Variants in FBXO7 observed in about 807,000 individuals in gnomAD.
The protein encoded by FBXO7 is F-box protein 7.
In FBXO7, 31 loss-of-function variants were observed where a neutral mutation model predicts 50.2. The observed-to-expected ratio is 0.62, with a 90% confidence interval of 0.46 to 0.83. The LOEUF is 0.83. FBXO7 is among the 40% of genes least tolerant of loss of function. The pLI, the probability that FBXO7 is intolerant of heterozygous loss-of-function variation, is 0.00. For missense variants in FBXO7, 667 were observed against 646.6 expected (o/e 1.03, Z -0.34); for synonymous variants, 256 against 253.1 (o/e 1.01, Z -0.11).
intron 8 of FBXO7, among the ~76,000 whole-genome samples, chr22:32,497,508 A>C (rs1034847027): frequency 2.0e-5 from 3 of 152,330 alleles, no homozygotes; most frequent in East Asian, 3.9e-4. Context: ...CATGGTGTAT[A>C]TATGCCACAT....
In FBXO7 at chr22:32,479,250, C is replaced by A; in HGVS notation, c.392C>A (p.Ser131Tyr). 6.2e-7 allele frequency: 1 copy of A among 1,614,092 alleles called. No homozygotes were observed. Among genetic ancestry groups the A allele is most frequent in the Non-Finnish European group, 8.5e-7 (1 of 1,180,028 alleles). The change falls in exon 2 of 9, where the codon TCT (serine) becomes TAT (tyrosine). Residue 131 changes from serine to tyrosine, a missense_variant. Ser to Tyr is a moderately radical substitution (Grantham distance 144). Transcript: ENST00000266087. ...TCATTCCAAGGACAGGCAGCCCAGT[C>A]TGGTGTTTGGAATGACGACAGTATG... ...SDSFQGQAAQSGVWNDDSMLG... is the reference protein window; with the variant it reads ...SDSFQGQAAQYGVWNDDSMLG...
chr22:32,478,485 G>A (rs78789877), intron 1 of FBXO7, among the ~76,000 whole-genome samples: 1,991 of 152,272 alleles, frequency 0.013, 50 homozygotes, highest in African/African-American at 0.044. Flanking sequence ...ACTGTATCCC[G>A]TCCCCCAGGT....
At chr22:32,477,003 A>G (rs549140396) in intron 1 of FBXO7, among the ~76,000 whole-genome samples, 14 of 152,306 alleles carry the variant, frequency 9.2e-5, no homozygotes, top group South Asian at 2.1e-4. Context: ...TTAAAAAGCA[A>G]CCTTTTGCTG....
At chr22:32,488,846 C>CT (rs773362612) in intron 5 of FBXO7, 1 of 152,106 alleles carries the variant, frequency 6.6e-6, no homozygotes, top group Non-Finnish European at 1.5e-5. Context: ...GAGTCTTGCT[C>CT]TTTCGCCAGG....
At chr22:32,486,523 A>T (rs781753121) in intron 4 of FBXO7, among the ~76,000 whole-genome samples, 1 of 151,908 alleles carries the variant, frequency 6.6e-6, no homozygotes, top group African/African-American at 2.4e-5. Flanking sequence ...TTTTGTAGAG[A>T]TGAAGTGTCA....
Position 32,498,706 on chromosome 22 carries a change from T to C in FBXO7, c.*176T>C. ...CCCTAGGGGTGGTATGACCCAAAGG[T>C]TCCTCTGTGACAAGGTTGGCCTTGG... On this transcript the variant is annotated 3_prime_UTR_variant, in exon 9 of 9. Transcript: ENST00000266087. 1.4e-6 allele frequency: 1 copy of C among 722,878 alleles called. No homozygotes were observed. Among genetic ancestry groups the C allele is most frequent in the South Asian group, 1.8e-5 (1 of 54,234 alleles). The allele number at this position is 722,878 out of a possible 1,614,324, so 44.8% of individuals were successfully genotyped here.
At chr22:32,475,149 G>A (rs571269911) in intron 1 of FBXO7, 25 bp downstream of exon 1, 2 of 1,532,272 alleles carry the variant, frequency 1.3e-6, no homozygotes, top group Admixed American at 2.0e-5. Flanking sequence ...GGGCTGGGCG[G>A]CCCGCGGGGA....
intron 6 of FBXO7, 123 bp from the exon 7 acceptor site, chr22:32,492,982 A>T: frequency 1.1e-6 from 1 of 929,972 alleles, no homozygotes; most frequent in Non-Finnish European, 1.8e-6. Flanking sequence ...GGGGATAATT[A>T]AGAGTACCAT....
chr22:32,483,225 C>T (rs1462223740), intron 2 of FBXO7, among the ~76,000 whole-genome samples: 5 of 152,168 alleles, frequency 3.3e-5, no homozygotes, highest in Admixed American at 3.3e-4. Flanking sequence ...TTAGACTCCT[C>T]AGTGCTTATA....
At chr22:32,475,581 G>C in intron 1 of FBXO7, 1 of 769,162 alleles carries the variant, frequency 1.3e-6, no homozygotes, top group East Asian at 3.3e-5. Context: ...AAAAAGTTTG[G>C]AAATTGCTAG....
chr22:32,479,011 CT>C lies in FBXO7; in HGVS notation c.154del (p.Tyr52ThrfsTer22). 6.2e-7 allele frequency: 1 copy of C among 1,614,236 alleles called. No individual in the cohort carries two copies. The highest frequency in any genetic ancestry group is 8.5e-7 in the Non-Finnish European group (1 of 1,180,034). On this transcript the variant is annotated frameshift_variant, in exon 2 of 9. Transcript: ENST00000266087. LOFTEE classifies it high-confidence loss of function. The part of the protein sequence containing the change: ...SNTRFTITLN[Y>X]KDPLTGDEET... ...ATACCCGATTTACAATTACATTGAA[CT>C]ACAAGGATCCCCTCACTGGAGATGA... is the stretch of plus-strand genomic sequence containing the variant.
At chr22:32,482,034 G>A (rs2145991301) in intron 2 of FBXO7, among the ~76,000 whole-genome samples, 1 of 152,080 alleles carries the variant, frequency 6.6e-6, no homozygotes, top group South Asian at 2.1e-4. Context: ...CTCAGCCTAG[G>A]GTACCCTTTT....
At chr22:32,495,059 T>G (rs1305497069) in intron 7 of FBXO7, among the ~76,000 whole-genome samples, 1 of 152,224 alleles carries the variant, frequency 6.6e-6, no homozygotes, top group Non-Finnish European at 1.5e-5. Flanking sequence ...CTAAGTCAGC[T>G]TGACCTCCAG....
intron 4 of FBXO7, chr22:32,487,168 C>G (rs2057503899): frequency 6.6e-6 from 1 of 152,312 alleles, no homozygotes; most frequent in South Asian, 2.1e-4. Flanking sequence ...ATCTTTCCTT[C>G]ACCCAAGGCA....
At position 32,479,107 on chromosome 22, in the gene FBXO7, A is replaced by G. The variant is rs1419561803; in HGVS notation, c.249A>G (p.Pro83=). 4 of 1,614,058 alleles carry G rather than the reference A, an allele frequency of 2.5e-6. No individual in the cohort carries two copies. The highest frequency in any genetic ancestry group is 3.4e-6 in the Non-Finnish European group (4 of 1,180,048). Residue 83 remains proline (P), a synonymous_variant, in exon 2 of 9, where the codon CCA becomes CCG. Transcript: ENST00000266087. ...LICLILQDDI[P]APNIPSSTDS... ...GTTTGATTCTTCAAGATGACATTCC[A>G]GCGCCTAATATACCTTCATCCACAG...
chr22:32,485,165 C>T lies in FBXO7; in HGVS notation c.743C>T (p.Ala248Val). The T allele has an allele frequency of 6.2e-7, 1 of 1,614,182 alleles. No homozygotes were observed. The highest frequency in any genetic ancestry group is 8.5e-7 in the Non-Finnish European group (1 of 1,180,028). The part of the protein sequence containing the change: ...YMHPLCEGSS[A>V]TLTCVPLGNL... ...CATCCTCTCTGCGAGGGCAGCTCCG[C>T]TACTCTCACCTGTGTGCCTTTGGGA... is the stretch of plus-strand genomic sequence containing the variant. Residue 248 changes from alanine (A) to valine (V), a missense_variant, in exon 4 of 9, where the codon GCT becomes GTT. By Grantham distance (64) the Ala-to-Val change is moderately conservative (BLOSUM62 0). Coordinates refer to ENST00000266087, the MANE Select transcript of FBXO7 (RefSeq NM_012179.4).
In FBXO7 at chr22:32,475,378, G is replaced by A. The variant is rs9621461; in HGVS notation, c.122+254G>A. On this transcript the variant is annotated intron_variant, in intron 1 of 8. Transcript: ENST00000266087. ...CTGGAGAACATGGCCCGGCCTCCCG[G>A]GGGCTCTGGTCCCCTCCTCGGTGAG... The A allele has an allele frequency of 0.095, 152,939 of 1,611,018 alleles. 7,764 individuals carry two copies. The highest frequency in any genetic ancestry group is 0.11 in the Admixed American group (6,484 of 59,828).
intron 5 of FBXO7, chr22:32,490,004 CA>C (rs1432917846): frequency 2.0e-5 from 3 of 152,204 alleles, no homozygotes; most frequent in African/African-American, 7.2e-5. Flanking sequence ...GATATCTTGA[CA>C]GCAAATTTCA....
At chr22:32,491,055 G>C in intron 5 of FBXO7, 31 bp from the exon 6 acceptor site, 1 of 1,503,736 alleles carries the variant, frequency 6.7e-7, no homozygotes, top group East Asian at 2.3e-5. Context: ...CTTGATTTTG[G>C]GTTTTGATTT....
Sources: allele counts gnomAD v4.1 joint callset (sites outside exome capture counted in the v4.1 genomes callset), GRCh38; gene constraint gnomAD v4.1.1; transcripts MANE v1.5; gene names NCBI Gene and HGNC (gene_info 2026-07-23, HGNC 2026-07-21).